SCUBE2: variants seen among roughly 807,000 people sequenced by gnomAD.
SCUBE2 encodes signal peptide, CUB and EGF-like domain-containing protein 2.
Under a neutral mutation model 125.9 loss-of-function variants are expected in SCUBE2, and 114 were observed. The observed-to-expected ratio is 0.91, with a 90% confidence interval of 0.78 to 1.06. The LOEUF (loss-of-function observed/expected upper bound fraction) is 1.06. Among genes scored for constraint, SCUBE2 ranks in the 50% least tolerant of loss-of-function variants. The pLI, the probability that SCUBE2 is intolerant of heterozygous loss-of-function variation, is 0.00. For synonymous variants in SCUBE2, 459 were observed against 492.9 expected (o/e 0.93, Z 0.91); for missense variants, 1,255 against 1,301.8 (o/e 0.96, Z 0.55).
Position 9,069,432 on chromosome 11 carries a change from C to T in SCUBE2, c.581G>A (p.Gly194Asp), listed in dbSNP as rs1860566571. 6 of 1,614,242 alleles carry T rather than the reference C, an allele frequency of 3.7e-6. No individual in the cohort carries two copies. The highest frequency in any genetic ancestry group is 5.1e-6 in the Non-Finnish European group (6 of 1,180,038). Residue 194 changes from glycine (G) to aspartate (D), a missense_variant, in exon 5 of 23, where the codon GGC becomes GAC. Physicochemically the swap from Gly to Asp is moderately conservative, Grantham distance 94. This residue lies in a region of SCUBE2 where 362 missense variants were observed against 323.0 expected (regional missense o/e 1.12). Coordinates refer to ENST00000649792, the MANE Select transcript of SCUBE2 (RefSeq NM_001367977.2). ...CSHICKEAPRGSVACECRPGF... is the reference protein window; with the variant it reads ...CSHICKEAPRDSVACECRPGF... ...AGGCCTGCACTCACAGGCGACGCTG[C>T]CCCTTGGGGCCTCCTTGCAGATGTG...
At chr11:9,076,906 G>A (rs1861257919) in intron 3 of SCUBE2, among the ~76,000 whole-genome samples, 1 of 152,118 alleles carries the variant, frequency 6.6e-6, no homozygotes. Flanking sequence ...CCTGGCCTAG[G>A]TGTTCCACAG....
intron 6 of SCUBE2, among the ~76,000 whole-genome samples, chr11:9,066,198 G>C (rs1860211641): frequency 6.6e-6 from 1 of 152,194 alleles, no homozygotes. Flanking sequence ...AAAGATTTTG[G>C]AGGTATATTG....
chr11:9,046,662 G>C (rs941755459), intron 16 of SCUBE2, among the ~76,000 whole-genome samples: 1 of 152,160 alleles, frequency 6.6e-6, no homozygotes, highest in African/African-American at 2.4e-5. Flanking sequence ...GGAACTCTTA[G>C]AATTTTAAAT....
At position 9,053,180 on chromosome 11, in the gene SCUBE2, G is replaced by A. The variant is rs77907325; in HGVS notation, c.1366C>T (p.Arg456Cys). Residue 456 changes from arginine to cysteine, a missense_variant, in exon 12 of 23, where the codon CGT becomes TGT. This residue lies in a region of SCUBE2 where 378 missense variants were observed against 463.1 expected (regional missense o/e 0.82). Transcript: ENST00000649792. Reference protein sequence around the residue: ...KGLLPTSVSPRVSLHCGKSGG... With the variant: ...KGLLPTSVSPCVSLHCGKSGG... ...CTCTTACCGCAGTGCAGGGACACAC[G>A]GGGTGACACACTTGTGGGCAGGAGC... 1.1e-4 allele frequency: 174 copies of A among 1,614,194 alleles called. 1 individual carries two copies. In the East Asian group the frequency reaches 2.8e-3, roughly 26 times the overall value.
In SCUBE2 at chr11:9,069,513, G is replaced by A; in HGVS notation, c.518-18C>T. 2 of 1,613,950 alleles carry A rather than the reference G, an allele frequency of 1.2e-6. No individual in the cohort carries two copies. The highest frequency in any genetic ancestry group is 1.7e-6 in the Non-Finnish European group (2 of 1,179,838). Reference sequence around the variant, plus strand: ...CAGGCCCTCTGAAAAACAGCAGTGTGCGACAGGTGACTAGGCTGTGGTCAG... The same window carrying A: ...CAGGCCCTCTGAAAAACAGCAGTGTACGACAGGTGACTAGGCTGTGGTCAG... On this transcript the variant is annotated intron_variant, in intron 4 of 22. Coordinates refer to ENST00000649792, the MANE Select transcript of SCUBE2 (RefSeq NM_001367977.2).
chr11:9,064,877 G>A (rs1410558489), intron 7 of SCUBE2: 2 of 152,088 alleles, frequency 1.3e-5, no homozygotes, highest in Non-Finnish European at 2.9e-5. Flanking sequence ...ACGCACCAAA[G>A]GATCTGTCTG....
Position 9,048,047 on chromosome 11 carries a change from C to T in SCUBE2, c.1691G>A (p.Ser564Asn). 1 of 1,614,202 alleles carries T rather than the reference C, an allele frequency of 6.2e-7. No homozygotes were observed. Among genetic ancestry groups the T allele is most frequent in the Non-Finnish European group, 8.5e-7 (1 of 1,180,020 alleles). Reference protein sequence around the residue: ...ESFRYVNLTCSSGKQVPGAPG... With the variant: ...ESFRYVNLTCNSGKQVPGAPG... The stretch of plus-strand genomic sequence containing the variant: ...GGCTCCTGGGACTTGCTTGCCAGAG[C>T]TGCATGTAAGGTTTACGTAGCGGAA... Residue 564 changes from serine (S) to asparagine (N), a missense_variant, in exon 15 of 23, where the codon AGC (serine) becomes AAC (asparagine). Around this residue, in one of 3 missense-constraint regions of SCUBE2, gnomAD observed 378 missense variants for 463.1 expected, o/e 0.82. Transcript: ENST00000649792.
chr11:9,080,964 C>A (rs1276056670), intron 2 of SCUBE2, among the ~76,000 whole-genome samples: 1 of 152,082 alleles, frequency 6.6e-6, no homozygotes, highest in Non-Finnish European at 1.5e-5. Context: ...CAATGATATG[C>A]AAATGACCAA....
intron 13 of SCUBE2, among the ~76,000 whole-genome samples, chr11:9,052,064 G>A (rs1271755284): frequency 6.6e-6 from 1 of 152,180 alleles, no homozygotes; most frequent in Non-Finnish European, 1.5e-5. Context: ...TCTGGTTAAT[G>A]AGAATAATAG....
At position 9,053,990 on chromosome 11, in the gene SCUBE2, CTTTTTTTTTTT is replaced by C. The variant is rs11474890; in HGVS notation, c.1208-242_1208-232del. 3.1e-4 allele frequency among the ~76,000 whole-genome samples: 23 copies of C among 75,054 alleles called. No individual in the cohort carries two copies. The East Asian group carries it at 3.1e-3, about 10-fold the overall frequency. The allele number at this position is 75,054 out of a possible 152,430, so 49.2% of individuals were successfully genotyped here. A position where few individuals can be genotyped will look rare whatever the true frequency, so the allele number is the denominator to read the frequency against. ...CAATAGGGCCTTCTCAAGCTCCACT[CTTTTTTTTTTT>C]TTTTTTTTTTTTGAGATGGAATTTT... is the stretch of plus-strand genomic sequence containing the variant. On this transcript the variant is annotated intron_variant, in intron 10 of 22. Coordinates refer to ENST00000649792, the MANE Select transcript of SCUBE2 (RefSeq NM_001367977.2).
chr11:9,046,255 G>A (rs1235967571), intron 16 of SCUBE2, among the ~76,000 whole-genome samples: 1 of 151,858 alleles, frequency 6.6e-6, no homozygotes, highest in Non-Finnish European at 1.5e-5. Context: ...TGATCTGCCC[G>A]CCTTGGCCTC....
chr11:9,065,855 T>A, intron 7 of SCUBE2, 36 bp downstream of exon 7: 3 of 1,571,636 alleles, frequency 1.9e-6, no homozygotes, highest in Non-Finnish European at 1.8e-6. Context: ...AAAAGGACAA[T>A]TGCAGTGGCC....
At chr11:9,070,174 GAGA>G (rs980064756) in intron 4 of SCUBE2, among the ~76,000 whole-genome samples, 66 of 152,340 alleles carry the variant, frequency 4.3e-4, no homozygotes, top group African/African-American at 1.5e-3. Flanking sequence ...GAGAGAGAGA[GAGA>G]AGGAGGGAGT....
chr11:9,091,382 G>A lies in SCUBE2; in HGVS notation c.133+14C>T. ...CCTGCTGTGCCAGGTGCGCCCCCGC[G>A]GCCGGACACTCACCCTCCTGCGGCC... On this transcript the variant is annotated intron_variant, in intron 1 of 22. Transcript: ENST00000649792. The surrounding 1 kb of genome is among the most constrained non-coding windows in gnomAD (Gnocchi z 8.5). 1.0e-5 allele frequency: 13 copies of A among 1,305,928 alleles called. No homozygotes were observed. Among genetic ancestry groups the A allele is most frequent in the Middle Eastern group, 2.9e-4 (1 of 3,484 alleles). The allele number at this position is 1,305,928 out of a possible 1,614,324, so 80.9% of individuals were successfully genotyped here.
At position 9,059,596 on chromosome 11, in the gene SCUBE2, T is replaced by C. The variant is rs926452874; in HGVS notation, c.968-171A>G. 5.9e-6 allele frequency: 5 copies of C among 841,606 alleles called. No individual in the cohort carries two copies. In the South Asian group the frequency reaches 1.0e-4, roughly 17 times the overall value. 52.1% of individuals were successfully genotyped at this position (841,606 alleles called of 1,614,324 possible). A position where few individuals can be genotyped will look rare whatever the true frequency, so the allele number is the denominator to read the frequency against. On this transcript the variant is annotated intron_variant, in intron 8 of 22. Transcript: ENST00000649792. Reference sequence around the variant, plus strand: ...TTAACCTTATACATGTTTTCTTATCTGGCTTAACCAGTTTTGAAAGACAAG... The same window carrying C: ...TTAACCTTATACATGTTTTCTTATCCGGCTTAACCAGTTTTGAAAGACAAG...
chr11:9,083,536 CAA>C, intron 2 of SCUBE2, among the ~76,000 whole-genome samples: 1 of 151,298 alleles, frequency 6.6e-6, no homozygotes. Context: ...TACGAATAAG[CAA>C]AGAGAGAATA....
intron 17 of SCUBE2, 27 bp downstream of exon 17, chr11:9,033,599 G>A (rs377454362): frequency 2.5e-6 from 4 of 1,606,080 alleles, no homozygotes; most frequent in Non-Finnish European, 3.4e-6. Context: ...GATGGGAGGA[G>A]TAGGAAGGAA....
chr11:9,039,522 A>C (rs1240272089), intron 16 of SCUBE2, among the ~76,000 whole-genome samples: 2 of 152,200 alleles, frequency 1.3e-5, no homozygotes. Flanking sequence ...CCAGTTGGCC[A>C]TCCAAGTGCG....
At chr11:9,066,132 G>C in intron 6 of SCUBE2, 152 bp from the exon 7 acceptor site, 1 of 617,528 alleles carries the variant, frequency 1.6e-6, no homozygotes, top group Non-Finnish European at 2.9e-6. Flanking sequence ...ATGAGGCTCT[G>C]TGGGAGACAC....
Sources: allele counts gnomAD v4.1 joint callset (sites outside exome capture counted in the v4.1 genomes callset), GRCh38; gene constraint gnomAD v4.1.1; regional missense constraint gnomAD v4.1.1; non-coding constraint Gnocchi (gnomAD v3.1); transcripts MANE v1.5; gene names NCBI Gene and HGNC (gene_info 2026-07-23, HGNC 2026-07-21).